CRACR2A: variants seen among roughly 807,000 people sequenced by gnomAD.
The protein encoded by CRACR2A is calcium release activated channel regulator 2A.
CRACR2A carries 79 observed loss-of-function variants against 90.5 expected under a neutral mutation model. That is an observed-to-expected ratio of 0.87 (90% CI 0.73 to 1.05). The LOEUF is 1.05. Among genes scored for constraint, CRACR2A ranks in the 50% least tolerant of loss-of-function variants. The pLI is 0.00. For synonymous variants in CRACR2A, 338 were observed against 356.7 expected (o/e 0.95, Z 0.59); for missense variants, 823 against 897.2 (o/e 0.92, Z 1.06).
chr12:3,708,726 G>T (rs1945968844), intron 3 of CRACR2A, among the ~76,000 whole-genome samples: 1 of 152,172 alleles, frequency 6.6e-6, no homozygotes. Context: ...TGCCCGGCCA[G>T]CATTTTCTTA....
At chr12:3,688,964 T>C (rs1303472048) in intron 4 of CRACR2A, among the ~76,000 whole-genome samples, 1 of 152,220 alleles carries the variant, frequency 6.6e-6, no homozygotes, top group Non-Finnish European at 1.5e-5. Context: ...TTTGTGGCAA[T>C]TGTGAATGGG....
At chr12:3,716,393 CTT>C (rs1266941040) in intron 2 of CRACR2A, among the ~76,000 whole-genome samples, 1 of 152,332 alleles carries the variant, frequency 6.6e-6, no homozygotes, top group African/African-American at 2.4e-5. Context: ...AAGCTCTGCT[CTT>C]GTCTGCAGCT....
Position 3,659,561 on chromosome 12 carries a change from TAC to T in CRACR2A, c.762+1_762+2del. On this transcript the variant is annotated splice_donor_variant, in intron 8 of 19. Coordinates refer to ENST00000440314, the MANE Select transcript of CRACR2A (RefSeq NM_001144958.2). LOFTEE classifies it high-confidence loss of function. Reference sequence around the variant, plus strand: ...GAGCCAAGCCTGGGGAGCGTACACTTACCTTCAGGAGAAACTGCTCCTTCTCA... The same window carrying T: ...GAGCCAAGCCTGGGGAGCGTACACTTCTTCAGGAGAAACTGCTCCTTCTCA... 1.2e-6 allele frequency: 2 copies of T among 1,613,940 alleles called. No homozygotes were observed. The highest frequency in any genetic ancestry group is 1.7e-6 in the Non-Finnish European group (2 of 1,179,808).
At chr12:3,741,196 G>A (rs1946520193) in intron 1 of CRACR2A, among the ~76,000 whole-genome samples, 1 of 152,138 alleles carries the variant, frequency 6.6e-6, no homozygotes, top group African/African-American at 2.4e-5. Context: ...ATGCTATTTT[G>A]GTTGGAAACA....
At chr12:3,647,432 C>G (rs563225528) in intron 11 of CRACR2A, among the ~76,000 whole-genome samples, 162 of 152,242 alleles carry the variant, frequency 1.1e-3, no homozygotes, top group African/African-American at 3.7e-3. Flanking sequence ...GTCATTCTCC[C>G]CTGCTCATTC....
At chr12:3,626,440 A>G (rs1565462218) in intron 17 of CRACR2A, among the ~76,000 whole-genome samples, 1 of 152,232 alleles carries the variant, frequency 6.6e-6, no homozygotes, top group Non-Finnish European at 1.5e-5. Flanking sequence ...CAGGCCAGTA[A>G]ATAAGCAATT....
At chr12:3,616,873 T>G (rs1310701118) in intron 19 of CRACR2A, 81 bp downstream of exon 19, 2 of 1,137,678 alleles carry the variant, frequency 1.8e-6, no homozygotes, top group African/African-American at 1.5e-5. Context: ...GTGGCCTGGG[T>G]GGAGGGAAAC....
chr12:3,749,795 T>TGTGTG (rs1946678757), intron 1 of CRACR2A, among the ~76,000 whole-genome samples: 1 of 144,580 alleles, frequency 6.9e-6, no homozygotes, highest in African/African-American at 2.6e-5. Context: ...TGCTGTTTCT[T>TGTGTG]TGTGTGTGTG....
At position 3,706,677 on chromosome 12, in the gene CRACR2A, G is replaced by A. The variant is rs241996; in HGVS notation, c.-37+6560C>T. 3.6e-3 allele frequency among the ~76,000 whole-genome samples: 552 copies of A among 152,240 alleles called. 2 individuals are homozygous for A. The highest frequency in any genetic ancestry group is 0.012 in the African/African-American group (507 of 41,544). On this transcript the variant is annotated intron_variant, in intron 3 of 19. Coordinates refer to ENST00000440314, the MANE Select transcript of CRACR2A (RefSeq NM_001144958.2). ...GTGCAGTGGCATGATCTCAGCTCACGGCAACCTCTGGCCCCTGGATTCAAG... is the reference window on the plus strand; with the variant it reads ...GTGCAGTGGCATGATCTCAGCTCACAGCAACCTCTGGCCCCTGGATTCAAG...
At chr12:3,704,365 T>C (rs1945882255) in intron 3 of CRACR2A, among the ~76,000 whole-genome samples, 1 of 152,112 alleles carries the variant, frequency 6.6e-6, no homozygotes, top group African/African-American at 2.4e-5. Context: ...GAAGTGACAG[T>C]AGGCAGGAGT....
chr12:3,672,781 G>A, intron 7 of CRACR2A: 1 of 985,472 alleles, frequency 1.0e-6, no homozygotes, highest in Non-Finnish European at 1.2e-6. Flanking sequence ...AGGGCTGTGA[G>A]TGAGGAGGAC....
chr12:3,631,742 C>G (rs1488892416), intron 15 of CRACR2A, among the ~76,000 whole-genome samples: 1 of 152,194 alleles, frequency 6.6e-6, no homozygotes, highest in Admixed American at 6.5e-5. Flanking sequence ...AAAGGCCCAG[C>G]AGTAAGGATG....
At chr12:3,748,048 G>A (rs1453740642) in intron 1 of CRACR2A, among the ~76,000 whole-genome samples, 2 of 152,092 alleles carry the variant, frequency 1.3e-5, no homozygotes, top group Non-Finnish European at 2.9e-5. Flanking sequence ...ACCCAGAAGG[G>A]CACAGAGTTC....
In CRACR2A at chr12:3,633,767, A is replaced by G. The variant is rs1390928112; in HGVS notation, c.1603-31T>C. 1 of 1,551,184 alleles carries G rather than the reference A, an allele frequency of 6.4e-7. No individual in the cohort carries two copies. Among genetic ancestry groups the G allele is most frequent in the South Asian group, 1.2e-5 (1 of 84,052 alleles). On this transcript the variant is annotated intron_variant, in intron 14 of 19. Coordinates refer to ENST00000440314, the MANE Select transcript of CRACR2A (RefSeq NM_001144958.2). This position sits in a 1 kb window ranked among gnomAD's most constrained non-coding sequence, Gnocchi z 4.5. Reference sequence around the variant, plus strand: ...GATGGCACACAATCTGACCAACTGCAGGGAATAGTCTTGCCAGCCCCTGCC... The same window carrying G: ...GATGGCACACAATCTGACCAACTGCGGGGAATAGTCTTGCCAGCCCCTGCC...
At chr12:3,628,005 CCCT>C in intron 15 of CRACR2A, among the ~76,000 whole-genome samples, 1 of 113,190 alleles carries the variant, frequency 8.8e-6, no homozygotes, top group Non-Finnish European at 1.9e-5. Context: ...TTCTTTCCCT[CCCT>C]CCCTCCCTCC....
chr12:3,681,427 T>C (rs1439975751), intron 4 of CRACR2A, among the ~76,000 whole-genome samples: 1 of 152,240 alleles, frequency 6.6e-6, no homozygotes, highest in Non-Finnish European at 1.5e-5. Flanking sequence ...GAACAATTAA[T>C]AGGCCCAAGA....
intron 1 of CRACR2A, among the ~76,000 whole-genome samples, chr12:3,749,628 C>T (rs187160936): frequency 1.8e-3 from 275 of 152,252 alleles, no homozygotes; most frequent in African/African-American, 6.5e-3. Context: ...TTGGGACTTC[C>T]CCCTGACCCT....
At chr12:3,676,934 A>C (rs1392421641) in intron 6 of CRACR2A, among the ~76,000 whole-genome samples, 1 of 152,202 alleles carries the variant, frequency 6.6e-6, no homozygotes, top group Non-Finnish European at 1.5e-5. Context: ...CACTCTTTGA[A>C]CTACTTAGTC....
At chr12:3,660,874 ACACACACACACAC>A (rs1245979742) in intron 7 of CRACR2A, among the ~76,000 whole-genome samples, 49 of 114,386 alleles carry the variant, frequency 4.3e-4, no homozygotes, top group Admixed American at 1.2e-3. Flanking sequence ...ACACACACAC[ACACACACACACAC>A]AATTTTGGCC....
Sources: gnomAD v4.1 joint callset for allele counts (sites outside exome capture counted in the v4.1 genomes callset) on GRCh38, gnomAD v4.1.1 for gene constraint, Gnocchi (gnomAD v3.1) non-coding constraint, MANE v1.5 for transcripts, NCBI Gene and HGNC (gene_info 2026-07-23, HGNC 2026-07-21) for gene names.